The following ASAP1 variants were observed in gnomAD, a reference collection of about 807,000 sequenced individuals.
The protein encoded by ASAP1 is ArfGAP with SH3 domain, ankyrin repeat and PH domain 1.
Under a neutral mutation model 145.2 loss-of-function variants are expected in ASAP1, and 43 were observed. The observed-to-expected ratio is 0.30, with a 90% confidence interval of 0.23 to 0.38. The LOEUF (loss-of-function observed/expected upper bound fraction) is 0.38, where lower values mean the gene tolerates loss of function less well. ASAP1 is among the 10% of genes least tolerant of loss of function. ASAP1 has a pLI of 1.00. For synonymous variants in ASAP1, 546 were observed against 515.5 expected (o/e 1.06, Z -0.80); for missense variants, 1,018 against 1,355.3 (o/e 0.75, Z 3.91).
intron 4 of ASAP1, among the ~76,000 whole-genome samples, chr8:130,230,211 T>C (rs1226263216): frequency 6.6e-6 from 1 of 152,104 alleles, no homozygotes; most frequent in Non-Finnish European, 1.5e-5. Context: ...GCACACATCA[T>C]TAAAAAATTA....
intron 12 of ASAP1, among the ~76,000 whole-genome samples, chr8:130,156,181 A>G (rs2097657903): frequency 6.6e-6 from 1 of 152,256 alleles, no homozygotes; most frequent in African/African-American, 2.4e-5. Flanking sequence ...GCTAGGGTCA[A>G]AAATTACCAA....
rs1341277040 is a variant in ASAP1, at chr8:130,218,863, A to ATG, written c.260-4164_260-4163dup. 2.0e-5 allele frequency among the ~76,000 whole-genome samples: 3 copies of ATG among 151,940 alleles called. No individual in the cohort carries two copies. The East Asian group carries it at 5.8e-4, about 29-fold the overall frequency. ...AGTCTCTTTCCATATATATATATATATGCATATGTATGTATGTATGTGTGT... is the reference window on the plus strand; with the variant it reads ...AGTCTCTTTCCATATATATATATATATGTGCATATGTATGTATGTATGTGTGT... On this transcript the variant is annotated intron_variant, in intron 4 of 29. Transcript: ENST00000518721.
chr8:130,175,946 C>A (rs1207514991), intron 9 of ASAP1, among the ~76,000 whole-genome samples: 1 of 152,112 alleles, frequency 6.6e-6, no homozygotes, highest in East Asian at 1.9e-4. Flanking sequence ...TTTATAAATG[C>A]TGTTAACTCT....
At chr8:130,244,023 TGA>T (rs1818700470) in intron 3 of ASAP1, among the ~76,000 whole-genome samples, 1 of 152,082 alleles carries the variant, frequency 6.6e-6, no homozygotes, top group Non-Finnish European at 1.5e-5. Context: ...TTTTCACAGG[TGA>T]TGACCTATTA....
intron 3 of ASAP1, among the ~76,000 whole-genome samples, chr8:130,276,687 AACACACAC>A (rs1161892776): frequency 9.8e-4 from 90 of 91,686 alleles, no homozygotes; most frequent in Middle Eastern, 7.6e-3. Context: ...CAAGACTGCA[AACACACAC>A]ACACACACAC....
chr8:130,231,849 A>T (rs982294855), intron 4 of ASAP1, among the ~76,000 whole-genome samples: 1 of 152,222 alleles, frequency 6.6e-6, no homozygotes. Context: ...TTCTCAAGCC[A>T]CACCTGACTT....
At chr8:130,058,981 A>G (rs974432339) in intron 28 of ASAP1, among the ~76,000 whole-genome samples, 7 of 152,172 alleles carry the variant, frequency 4.6e-5, no homozygotes, top group Non-Finnish European at 1.0e-4. Context: ...TGACATAATA[A>G]AACTATATAG....
At chr8:130,364,552 G>C (rs982730801) in intron 2 of ASAP1, among the ~76,000 whole-genome samples, 1 of 152,192 alleles carries the variant, frequency 6.6e-6, no homozygotes, top group Non-Finnish European at 1.5e-5. Context: ...AAAGACAATG[G>C]ATGAGTCCAC....
intron 5 of ASAP1, among the ~76,000 whole-genome samples, chr8:130,199,739 G>T (rs1376140244): frequency 1.3e-5 from 2 of 152,114 alleles, no homozygotes; most frequent in African/African-American, 2.4e-5. Context: ...ACTGAATAAA[G>T]CAGAAAAAAT....
intron 2 of ASAP1, among the ~76,000 whole-genome samples, chr8:130,372,933 C>A (rs1827280089): frequency 6.6e-6 from 1 of 151,890 alleles, no homozygotes; most frequent in African/African-American, 2.4e-5. Context: ...CACAGACACA[C>A]ACGCATACAC....
chr8:130,101,038 T>C (rs1405810814), intron 24 of ASAP1, among the ~76,000 whole-genome samples: 1 of 152,196 alleles, frequency 6.6e-6, no homozygotes, highest in African/African-American at 2.4e-5. Context: ...TAAAGAAGGA[T>C]CCTTTCCCCA....
At chr8:130,056,545 T>A (rs1367596963) in intron 29 of ASAP1, among the ~76,000 whole-genome samples, 1 of 152,222 alleles carries the variant, frequency 6.6e-6, no homozygotes, top group Non-Finnish European at 1.5e-5. Flanking sequence ...ATATTGTAAA[T>A]GTCCCTGGAG....
At chr8:130,288,691 T>G (rs1251191978) in intron 3 of ASAP1, among the ~76,000 whole-genome samples, 1 of 152,222 alleles carries the variant, frequency 6.6e-6, no homozygotes, top group East Asian at 1.9e-4. Flanking sequence ...GGGAAGAAGA[T>G]GGCATCTGTA....
intron 7 of ASAP1, 54 bp from the exon 8 acceptor site, chr8:130,180,934 A>AT: frequency 6.7e-7 from 1 of 1,490,610 alleles, no homozygotes; most frequent in Non-Finnish European, 9.1e-7. Flanking sequence ...CTCATGTACA[A>AT]TACCAACAGC....
rs140137305 is a variant in ASAP1, at chr8:130,410,473, G to A, written c.-27-8503C>T. ...GAGGCTAGGCTCACTAACTAGCCAC[G>A]CAATCCAATCCTCATGCCAGCAGGA... On this transcript the variant is annotated intron_variant, in intron 1 of 29. Transcript: ENST00000518721. 6.6e-4 allele frequency among the ~76,000 whole-genome samples: 100 copies of A among 152,186 alleles called. 1 individual carries two copies. The East Asian group carries it at 0.019, about 28-fold the overall frequency.
chr8:130,181,375 T>C (rs1309409809), intron 7 of ASAP1, among the ~76,000 whole-genome samples: 8 of 152,216 alleles, frequency 5.3e-5, no homozygotes, highest in African/African-American at 9.6e-5. Flanking sequence ...TTACCTACTA[T>C]TGGGTAAAGC....
chr8:130,320,744 C>T (rs2137656218), intron 3 of ASAP1, among the ~76,000 whole-genome samples: 1 of 152,028 alleles, frequency 6.6e-6, no homozygotes, highest in South Asian at 2.1e-4. Context: ...GGAGAAAATT[C>T]AGAGCTTTTC....
intron 12 of ASAP1, among the ~76,000 whole-genome samples, chr8:130,155,689 A>G (rs2097657092): frequency 6.6e-6 from 1 of 152,176 alleles, no homozygotes; most frequent in African/African-American, 2.4e-5. Flanking sequence ...TCTATTCCCA[A>G]GACTTCTATG....
chr8:130,381,797 C>A (rs1827781259), intron 2 of ASAP1, among the ~76,000 whole-genome samples: 1 of 152,188 alleles, frequency 6.6e-6, no homozygotes, highest in African/African-American at 2.4e-5. Context: ...ACACACCCCC[C>A]TGAGGGCCTT....
Sources: gnomAD v4.1 joint callset for allele counts (sites outside exome capture counted in the v4.1 genomes callset) on GRCh38, gnomAD v4.1.1 for gene constraint, MANE v1.5 for transcripts, NCBI Gene and HGNC (gene_info 2026-07-23, HGNC 2026-07-21) for gene names.